Variants in KIAA1217 observed in about 807,000 individuals in gnomAD.
KIAA1217 encodes KIAA1217.
A neutral mutation model predicts 163.9 loss-of-function variants in KIAA1217; 88 were observed. That is an observed-to-expected ratio of 0.54 (90% CI 0.45 to 0.64). The LOEUF (loss-of-function observed/expected upper bound fraction) is 0.64. Ranked by LOEUF, KIAA1217 falls within the 30% of genes least tolerant of loss-of-function variation. The probability of loss-of-function intolerance (pLI) is 0.00; values close to 1 mark genes in which losing one functional copy is unlikely to be tolerated. For synonymous variants in KIAA1217, 903 were observed against 923.1 expected (o/e 0.98, Z 0.39); for missense variants, 2,372 against 2,475.0 (o/e 0.96, Z 0.88).
chr10:24,364,781 C>T (rs1025307883), intron 2 of KIAA1217, among the ~76,000 whole-genome samples: 1 of 150,894 alleles, frequency 6.6e-6, no homozygotes. Flanking sequence ...TTTCTTTTTT[C>T]TTCCTTTCTT....
intron 1 of KIAA1217, among the ~76,000 whole-genome samples, chr10:23,793,514 A>G (rs1437063491): frequency 1.3e-5 from 2 of 152,138 alleles, no homozygotes; most frequent in Non-Finnish European, 2.9e-5. Context: ...GACATTTTGC[A>G]CTACTTCCAG....
chr10:24,038,250 T>C (rs1382871578), intron 2 of KIAA1217, among the ~76,000 whole-genome samples: 3 of 152,198 alleles, frequency 2.0e-5, no homozygotes, highest in South Asian at 4.1e-4. Context: ...TCAGGAAACC[T>C]CCACTGAGTG....
At chr10:24,218,870 A>G (rs2069196376) in intron 1 of KIAA1217, among the ~76,000 whole-genome samples, 1 of 152,090 alleles carries the variant, frequency 6.6e-6, no homozygotes, top group Admixed American at 6.5e-5. Context: ...AATGGTTCAC[A>G]TGTGTCAATG....
At chr10:24,118,936 T>G (rs2063170037) in intron 2 of KIAA1217, among the ~76,000 whole-genome samples, 1 of 152,134 alleles carries the variant, frequency 6.6e-6, no homozygotes, top group African/African-American at 2.4e-5. Flanking sequence ...GTACTTTGTC[T>G]TTGTTTTTTT....
chr10:24,432,492 A>G (rs573057245), intron 3 of KIAA1217, among the ~76,000 whole-genome samples: 10 of 151,910 alleles, frequency 6.6e-5, no homozygotes, highest in African/African-American at 2.2e-4. Context: ...GTCTCACTCT[A>G]TTACTTAGGC....
chr10:23,817,982 TA>T lies in KIAA1217; in HGVS notation c.-321+122749del, dbSNP rs1564447624. On this transcript the variant is annotated intron_variant, in intron 1 of 18. Coordinates refer to the KIAA1217 transcript ENST00000376462. ...TGGCACATATATATATATATATATA[TA>T]TATATATATATATATATATATATAT... Among the ~76,000 whole-genome samples the T allele has an allele frequency of 8.6e-4, 97 of 112,386 alleles. 3 individuals are homozygous for T. The South Asian group carries it at 0.028, about 32-fold the overall frequency. The allele number at this position is 112,386 out of a possible 152,430, so 73.7% of individuals were successfully genotyped here.
intron 1 of KIAA1217, among the ~76,000 whole-genome samples, chr10:23,936,525 G>A (rs139798270): frequency 6.6e-6 from 1 of 152,268 alleles, no homozygotes; most frequent in East Asian, 1.9e-4. Flanking sequence ...AGGAAGCAAA[G>A]GGAGATTCAG....
rs200509317 is a variant in KIAA1217 at position 24,283,908 on chromosome 10, TA to T, written c.354+64000del. The stretch of plus-strand genomic sequence containing the variant: ...GAGCATCTCTTCTTTTCTTTTCCTT[TA>T]TTTTTTTTTTATGTTTTTGAGACGG... On this transcript the variant is annotated intron_variant, in intron 2 of 20. Transcript: ENST00000376454. Among the ~76,000 whole-genome samples the T allele has an allele frequency of 5.4e-3, 698 of 130,088 alleles. 9 individuals are homozygous for T. Among genetic ancestry groups the T allele is most frequent in the African/African-American group, 0.014 (536 of 38,350 alleles). The allele number at this position is 130,088 out of a possible 152,430, so 85.3% of individuals were successfully genotyped here.
In KIAA1217 at chr10:23,979,064, G is replaced by A. The variant is rs1845657086; in HGVS notation, c.-320-28161G>A. Among the ~76,000 whole-genome samples the A allele has an allele frequency of 2.6e-5, 4 of 152,248 alleles. No individual in the cohort carries two copies. In the South Asian group the frequency reaches 8.3e-4, roughly 32 times the overall value. On this transcript the variant is annotated intron_variant, in intron 1 of 18. Coordinates refer to the KIAA1217 transcript ENST00000376462. ...CCTGGATCATCAGGTAAGGAATACT[G>A]CAACTGAGACTTACCTGTGTCTTCT...
At chr10:24,403,046 A>G (rs1294381836) in intron 3 of KIAA1217, among the ~76,000 whole-genome samples, 1 of 152,190 alleles carries the variant, frequency 6.6e-6, no homozygotes. Flanking sequence ...CTCACACTTA[A>G]TACAAAAAAA....
chr10:24,457,063 G>A (rs552802719), intron 5 of KIAA1217, among the ~76,000 whole-genome samples: 2 of 152,116 alleles, frequency 1.3e-5, no homozygotes, highest in South Asian at 2.1e-4. Context: ...TCAGTGTGTT[G>A]GAGGAAACGT....
chr10:24,236,086 G>A (rs2072213508), intron 2 of KIAA1217, among the ~76,000 whole-genome samples: 1 of 152,014 alleles, frequency 6.6e-6, no homozygotes, highest in African/African-American at 2.4e-5. Context: ...TTTGTAAAAT[G>A]GGAATAATGA....
chr10:24,284,173 G>A (rs1464863115), intron 2 of KIAA1217, among the ~76,000 whole-genome samples: 1 of 152,130 alleles, frequency 6.6e-6, no homozygotes, highest in East Asian at 1.9e-4. Context: ...CTCCTAAAGT[G>A]CTGGGATTAT....
intron 2 of KIAA1217, among the ~76,000 whole-genome samples, chr10:24,242,501 G>A (rs750097417): frequency 3.3e-5 from 5 of 151,986 alleles, no homozygotes; most frequent in South Asian, 4.2e-4. Context: ...CACCATTGAC[G>A]GACACCTAGG....
chr10:24,538,964 C>T (rs1033313383), intron 17 of KIAA1217, among the ~76,000 whole-genome samples: 1 of 151,896 alleles, frequency 6.6e-6, no homozygotes, highest in African/African-American at 2.4e-5. Context: ...GAACTCCTGA[C>T]CTCGTGATCC....
chr10:24,178,474 G>T (rs2066012603), intron 2 of KIAA1217, among the ~76,000 whole-genome samples: 1 of 152,136 alleles, frequency 6.6e-6, no homozygotes. Context: ...ATTTACTCAG[G>T]GTGAAATTCT....
At chr10:24,539,996 C>T (rs1051897142) in intron 17 of KIAA1217, among the ~76,000 whole-genome samples, 25 of 152,262 alleles carry the variant, frequency 1.6e-4, no homozygotes, top group African/African-American at 5.5e-4. Context: ...GCATAATTAC[C>T]TTTCACCCAG....
chr10:24,009,868 T>G (rs1022328879), intron 2 of KIAA1217, among the ~76,000 whole-genome samples: 2 of 152,190 alleles, frequency 1.3e-5, no homozygotes, highest in African/African-American at 4.8e-5. Context: ...TCTCAAAGAC[T>G]TACTCTGTGA....
chr10:23,724,006 G>A (rs11013663), intron 1 of KIAA1217, among the ~76,000 whole-genome samples: 3,690 of 152,238 alleles, frequency 0.024, 165 homozygotes, highest in African/African-American at 0.083. Flanking sequence ...TTACATGACA[G>A]GAGCAGAGAC....
Sources: allele counts gnomAD v4.1 joint callset (sites outside exome capture counted in the v4.1 genomes callset), GRCh38; gene constraint gnomAD v4.1.1; transcripts MANE v1.5; gene names NCBI Gene and HGNC (gene_info 2026-07-23, HGNC 2026-07-21).